UNC5C: variants seen among roughly 807,000 people sequenced by gnomAD.
The protein encoded by UNC5C is unc-5 netrin receptor C.
UNC5C carries 47 observed loss-of-function variants against 99.8 expected under a neutral mutation model. That is an observed-to-expected ratio of 0.47 (90% CI 0.37 to 0.60). UNC5C has a LOEUF of 0.60. UNC5C is among the 20% of genes least tolerant of loss of function. The pLI is 0.00. For missense variants in UNC5C, 1,062 were observed against 1,165.9 expected (o/e 0.91, Z 1.30); for synonymous variants, 487 against 452.2 (o/e 1.08, Z -0.98).
At chr4:95,299,846 TG>T (rs1392527433) in intron 3 of UNC5C, among the ~76,000 whole-genome samples, 11 of 152,128 alleles carry the variant, frequency 7.2e-5, no homozygotes, top group African/African-American at 2.7e-4. Flanking sequence ...GAGATTTGGG[TG>T]GGACACAGAA....
Position 95,178,172 on chromosome 4 carries a change from T to C in UNC5C, c.2451+4725A>G, listed in dbSNP as rs576183792. On this transcript the variant is annotated intron_variant, in intron 14 of 15. Transcript: ENST00000453304. The stretch of plus-strand genomic sequence containing the variant: ...GCCCCGTCCTTACCGTGACTTGACC[T>C]GACTCATAGGCTCCTTAGAGTCTGA... Among the ~76,000 whole-genome samples, 19 of 152,362 alleles carry C rather than the reference T, an allele frequency of 1.2e-4. No individual in the cohort carries two copies. In the East Asian group the frequency reaches 3.3e-3, roughly 26 times the overall value.
At chr4:95,375,523 C>T (rs1200473444) in intron 1 of UNC5C, among the ~76,000 whole-genome samples, 1 of 152,114 alleles carries the variant, frequency 6.6e-6, no homozygotes, top group Non-Finnish European at 1.5e-5. Flanking sequence ...AAATGCTAAT[C>T]TGAAAACCCA....
chr4:95,234,129 T>C (rs1209543718), intron 7 of UNC5C, among the ~76,000 whole-genome samples: 2 of 152,168 alleles, frequency 1.3e-5, no homozygotes, highest in Non-Finnish European at 2.9e-5. Context: ...TCTCTTGTCA[T>C]AACCATTTAA....
intron 1 of UNC5C, among the ~76,000 whole-genome samples, chr4:95,381,932 G>C (rs1036158093): frequency 6.6e-6 from 1 of 152,048 alleles, no homozygotes; most frequent in African/African-American, 2.4e-5. Context: ...GCAGTTGGTG[G>C]GTAATAGTCT....
intron 1 of UNC5C, among the ~76,000 whole-genome samples, chr4:95,446,572 G>A (rs1032823291): frequency 4.6e-5 from 7 of 152,172 alleles, no homozygotes; most frequent in Admixed American, 6.5e-5. Context: ...TATTTTGGAG[G>A]TGAGGAAAAT....
chr4:95,370,945 T>G lies in UNC5C; in HGVS notation c.125-35314A>C, dbSNP rs1744729548. ...AGGGAAAGCTATAGGTTTAAGCTTG[T>G]CTTGACGTTGTTTATCTAGTGATCA... On this transcript the variant is annotated intron_variant, in intron 1 of 15. Transcript: ENST00000453304. Among the ~76,000 whole-genome samples the G allele has an allele frequency of 6.6e-5, 10 of 152,350 alleles. No homozygotes were observed. In the South Asian group the frequency reaches 2.1e-3, roughly 32 times the overall value.
chr4:95,363,275 T>C (rs1422150448), intron 1 of UNC5C, among the ~76,000 whole-genome samples: 1 of 152,170 alleles, frequency 6.6e-6, no homozygotes, highest in Non-Finnish European at 1.5e-5. Flanking sequence ...GGCTGTGCTA[T>C]CATTTGTTAG....
chr4:95,347,694 T>C (rs1396033641), intron 1 of UNC5C, among the ~76,000 whole-genome samples: 1 of 152,010 alleles, frequency 6.6e-6, no homozygotes, highest in Non-Finnish European at 1.5e-5. Context: ...CTGAGAAAAC[T>C]GGGTATCCGT....
chr4:95,233,991 G>A (rs1739006443), intron 7 of UNC5C, among the ~76,000 whole-genome samples: 1 of 152,038 alleles, frequency 6.6e-6, no homozygotes, highest in African/African-American at 2.4e-5. Context: ...TCAGGTCTCA[G>A]TAATACAATT....
chr4:95,454,021 A>T (rs1241600021), intron 1 of UNC5C, among the ~76,000 whole-genome samples: 1 of 152,134 alleles, frequency 6.6e-6, no homozygotes, highest in Non-Finnish European at 1.5e-5. Context: ...AGAAGTATGG[A>T]GTTACTACTT....
intron 14 of UNC5C, 29 bp from the exon 15 acceptor site, chr4:95,170,361 C>T (rs968162540): frequency 6.2e-7 from 1 of 1,606,326 alleles, no homozygotes; most frequent in Non-Finnish European, 8.5e-7. Flanking sequence ...AACAACACAG[C>T]ATTATTTCTG....
At chr4:95,332,101 C>T (rs1358621276) in intron 2 of UNC5C, among the ~76,000 whole-genome samples, 2 of 152,178 alleles carry the variant, frequency 1.3e-5, no homozygotes, top group Admixed American at 1.3e-4. Context: ...ACATTCCATG[C>T]TCATGGGTAG....
At chr4:95,299,723 A>C (rs1364332237) in intron 3 of UNC5C, among the ~76,000 whole-genome samples, 1 of 152,194 alleles carries the variant, frequency 6.6e-6, no homozygotes, top group Non-Finnish European at 1.5e-5. Flanking sequence ...TCCCCTTTAT[A>C]AAAGCATCAG....
intron 1 of UNC5C, among the ~76,000 whole-genome samples, chr4:95,440,767 A>G (rs754662917): frequency 1.3e-5 from 2 of 152,186 alleles, no homozygotes; most frequent in African/African-American, 4.8e-5. Context: ...AACTTGAAAG[A>G]AACTCGGTGA....
chr4:95,387,773 G>T (rs1373556380), intron 1 of UNC5C, among the ~76,000 whole-genome samples: 5 of 152,074 alleles, frequency 3.3e-5, no homozygotes, highest in Non-Finnish European at 4.4e-5. Flanking sequence ...ATGTTAGCTG[G>T]CATAGATACC....
intron 1 of UNC5C, among the ~76,000 whole-genome samples, chr4:95,402,063 A>G (rs1426854740): frequency 6.6e-6 from 1 of 152,210 alleles, no homozygotes; most frequent in Non-Finnish European, 1.5e-5. Context: ...GTTTTTGTCT[A>G]AAAGCTGTTT....
chr4:95,201,444 A>C (rs1560729419), intron 12 of UNC5C, among the ~76,000 whole-genome samples: 1 of 152,054 alleles, frequency 6.6e-6, no homozygotes, highest in Non-Finnish European at 1.5e-5. Context: ...TGATATTTCT[A>C]ATATGTATTT....
At chr4:95,335,667 C>A in intron 1 of UNC5C, 36 bp from the exon 2 acceptor site, 1 of 1,530,028 alleles carries the variant, frequency 6.5e-7, no homozygotes, top group Non-Finnish European at 8.9e-7. Flanking sequence ...ATGGTTAACA[C>A]ATTGTAACAA....
intron 1 of UNC5C, among the ~76,000 whole-genome samples, chr4:95,453,194 G>A (rs1747325099): frequency 6.6e-6 from 1 of 152,118 alleles, no homozygotes. Context: ...GGTGCTGGGG[G>A]TGGGTTGAGA....
Sources: gnomAD v4.1 joint callset for allele counts (sites outside exome capture counted in the v4.1 genomes callset) on GRCh38, gnomAD v4.1.1 for gene constraint, MANE v1.5 for transcripts, NCBI Gene and HGNC (gene_info 2026-07-23, HGNC 2026-07-21) for gene names.